Variants in TOMM40 observed in about 807,000 individuals in gnomAD.
The protein encoded by TOMM40 is translocase of outer mitochondrial membrane 40.
TOMM40 carries 9 observed loss-of-function variants against 38.4 expected under a neutral mutation model. The ratio of observed to expected loss-of-function variants is 0.23; its 90% CI spans 0.14 to 0.41. The LOEUF (loss-of-function observed/expected upper bound fraction) is 0.41. Among genes scored for constraint, TOMM40 ranks in the 10% least tolerant of loss-of-function variants. The pLI is 1.00. For synonymous variants in TOMM40, 184 were observed against 210.0 expected (o/e 0.88, Z 1.07); for missense variants, 299 against 486.5 (o/e 0.61, Z 3.63).
rs1256620656 is a variant in TOMM40, at chr19:44,899,667, A to C, written c.644-1063A>C. Among the ~76,000 whole-genome samples the C allele has an allele frequency of 6.7e-5, 10 of 148,224 alleles. No homozygotes were observed. In the Admixed American group the frequency reaches 6.7e-4, roughly 10 times the overall value. On this transcript the variant is annotated intron_variant, in intron 5 of 8. Transcript: ENST00000426677. The stretch of plus-strand genomic sequence containing the variant: ...ATCTGTAGTTAGATGAAGTTTTTAA[A>C]TTTTTTGTAGAGATGGGGTCTCACT...
Position 44,892,472 on chromosome 19 carries a change from T to C in TOMM40, c.342+12T>C. On this transcript the variant is annotated intron_variant, in intron 2 of 8. Transcript: ENST00000426677. ...GTAACCATTTTCAGGTGAGCCTTCC[T>C]GGTGTCCTTACCCACCAGAGATCGT... The C allele has an allele frequency of 6.2e-7, 1 of 1,611,944 alleles. No individual in the cohort carries two copies. Among genetic ancestry groups the C allele is most frequent in the Non-Finnish European group, 8.5e-7 (1 of 1,179,616 alleles).
At chr19:44,896,596 G>A (rs1969569970) in intron 5 of TOMM40, among the ~76,000 whole-genome samples, 1 of 152,224 alleles carries the variant, frequency 6.6e-6, no homozygotes, top group Non-Finnish European at 1.5e-5. Context: ...CAGCCAGGAA[G>A]CAGAGGAGCT....
intron 5 of TOMM40, among the ~76,000 whole-genome samples, chr19:44,898,511 C>CTTTTTTTTTTT (rs34896370): frequency 1.2e-4 from 12 of 98,512 alleles, no homozygotes; most frequent in Non-Finnish European, 1.3e-4. Context: ...TGTGTTGTTT[C>CTTTTTTTTTTT]TTTTTTTTTT....
At chr19:44,895,847 G>A (rs754321680) in intron 5 of TOMM40, among the ~76,000 whole-genome samples, 15 of 152,138 alleles carry the variant, frequency 9.9e-5, no homozygotes, top group African/African-American at 2.2e-4. Flanking sequence ...GCGCCCGGCC[G>A]ACCATGCAAG....
Position 44,903,396 on chromosome 19 carries a change from G to A in TOMM40, c.*227G>A. 1 of 480,590 alleles carries A rather than the reference G, an allele frequency of 2.1e-6. No individual in the cohort carries two copies. Among genetic ancestry groups the A allele is most frequent in the African/African-American group, 2.0e-5 (1 of 49,504 alleles). 29.8% of individuals were successfully genotyped at this position (480,590 alleles called of 1,614,324 possible). On this transcript the variant is annotated 3_prime_UTR_variant, in exon 9 of 9. Transcript: ENST00000426677. The stretch of plus-strand genomic sequence containing the variant: ...CAGGGGCAGCATGCCCAGTGGGCCT[G>A]GGGTCCCGGGAGGGATTCCGGAATT...
rs1365190222 is a variant in TOMM40, at chr19:44,900,791, G to T, written c.705G>T (p.Leu235=). ...CTTGCCTGGCCCTGGGTGGAGAGCT[G>T]GTCTACCACCGGCGGCCTGGAGAGG... ...ITPCLALGGE[L]VYHRRPGEEG... The change falls in exon 6 of 9, where the codon CTG becomes CTT. Residue 235 remains leucine (L), a synonymous_variant. Transcript: ENST00000426677. 3.7e-6 allele frequency: 6 copies of T among 1,613,812 alleles called. No individual in the cohort carries two copies. In the South Asian group the frequency reaches 6.6e-5, roughly 18 times the overall value.
chr19:44,894,361 A>G (rs1431141589), intron 5 of TOMM40, among the ~76,000 whole-genome samples: 1 of 146,738 alleles, frequency 6.8e-6, no homozygotes, highest in Non-Finnish European at 1.5e-5. Context: ...TCCTGGGTTC[A>G]TGCAATTCTC....
chr19:44,893,977 T>C lies in TOMM40; in HGVS notation c.554T>C (p.Phe185Ser). 6.4e-7 allele frequency: 1 copy of C among 1,558,924 alleles called. No individual in the cohort carries two copies. The highest frequency in any genetic ancestry group is 8.7e-7 in the Non-Finnish European group (1 of 1,149,640). Residue 185 changes from phenylalanine (F) to serine (S), a missense_variant, in exon 5 of 9, where the codon TTT becomes TCT. By Grantham distance (155) the Phe-to-Ser change is radical (BLOSUM62 -2). Coordinates refer to ENST00000426677, the MANE Select transcript of TOMM40 (RefSeq NM_001128917.2). ...KMAIQTQQSK[F>S]VNWQVDGEYR... is the part of the protein sequence containing the mutation. Reference sequence around the variant, plus strand: ...TCTCCACAGACCCAGCAGTCGAAGTTTGTGAACTGGCAGGTGGACGGGGAG... The same window carrying C: ...TCTCCACAGACCCAGCAGTCGAAGTCTGTGAACTGGCAGGTGGACGGGGAG...
chr19:44,901,485 G>A (rs776851435), intron 8 of TOMM40, 175 bp downstream of exon 8: 115 of 1,449,260 alleles, frequency 7.9e-5, no homozygotes, highest in Non-Finnish European at 1.0e-4. Flanking sequence ...GCTCACGCCT[G>A]TAATCCCAGC....
Position 44,891,320 on chromosome 19 carries a change from A to T in TOMM40, c.-96A>T. The T allele has an allele frequency of 8.3e-7, 1 of 1,210,636 alleles. No individual in the cohort carries two copies. The highest frequency in any genetic ancestry group is 1.6e-5 in the African/African-American group (1 of 63,574). The allele number at this position is 1,210,636 out of a possible 1,614,324, so 75.0% of individuals were successfully genotyped here. ...GGGAGCAGGCGCCGCCGCCAGTGAG[A>T]ACCGGGGCCGGAGCCGGGTGCGGAT... On this transcript the variant is annotated 5_prime_UTR_variant, in exon 1 of 9. Coordinates refer to ENST00000426677, the MANE Select transcript of TOMM40 (RefSeq NM_001128917.2).
At chr19:44,893,715 C>T (rs972660296) in intron 3 of TOMM40, 65 bp from the exon 4 acceptor site, 17 of 1,376,746 alleles carry the variant, frequency 1.2e-5, no homozygotes, top group African/African-American at 1.0e-4. Flanking sequence ...CTTCTCACCC[C>T]GGCCCATCTC....
rs769088127 is a variant in TOMM40, at chr19:44,901,321, C to T, written c.946+11C>T. 12 of 1,612,332 alleles carry T rather than the reference C, an allele frequency of 7.4e-6. No individual in the cohort carries two copies. The highest frequency in any genetic ancestry group is 6.7e-5 in the Admixed American group (4 of 59,718). On this transcript the variant is annotated intron_variant, in intron 8 of 8. Transcript: ENST00000426677. ...ACCTCCTCTTCAAAGGTAAAGGTCT[C>T]GGTTCCCCTACGCGGGAAACAGGCA... is the stretch of plus-strand genomic sequence containing the variant.
At chr19:44,891,989 G>A (rs1227584200) in intron 1 of TOMM40, among the ~76,000 whole-genome samples, 1 of 152,202 alleles carries the variant, frequency 6.6e-6, no homozygotes, top group Admixed American at 6.5e-5. Context: ...CCAAGGTCAC[G>A]GTGTCAGCAA....
At chr19:44,900,914 G>A in intron 6 of TOMM40, 62 bp downstream of exon 6, 1 of 1,608,544 alleles carries the variant, frequency 6.2e-7, no homozygotes, top group South Asian at 1.1e-5. Context: ...TCCTGGGTCT[G>A]AGGGAGGACG....
At position 44,891,372 on chromosome 19, in the gene TOMM40, G is replaced by T; in HGVS notation, c.-44G>T. On this transcript the variant is annotated 5_prime_UTR_variant, in exon 1 of 9. Transcript: ENST00000426677. The stretch of plus-strand genomic sequence containing the variant: ...TGCTGGGGCTGAGTCGGGGGCGCGC[G>T]GGCCCTGACCTCTGCCCTCTGACCT... The T allele has an allele frequency of 1.6e-6, 2 of 1,235,010 alleles. No individual in the cohort carries two copies. The highest frequency in any genetic ancestry group is 3.7e-5 in the South Asian group (1 of 27,386). 76.5% of individuals were successfully genotyped at this position (1,235,010 alleles called of 1,614,324 possible).
Position 44,900,796 on chromosome 19 carries a change from A to T in TOMM40, c.710A>T (p.Tyr237Phe). ...PCLALGGELVYHRRPGEEGTV... is the reference protein window; with the variant it reads ...PCLALGGELVFHRRPGEEGTV... Reference sequence around the variant, plus strand: ...CTGGCCCTGGGTGGAGAGCTGGTCTACCACCGGCGGCCTGGAGAGGAGGGC... The same window carrying T: ...CTGGCCCTGGGTGGAGAGCTGGTCTTCCACCGGCGGCCTGGAGAGGAGGGC... The change falls in exon 6 of 9, where the codon TAC becomes TTC. Residue 237 changes from tyrosine (Y) to phenylalanine (F), a missense_variant. Coordinates refer to ENST00000426677, the MANE Select transcript of TOMM40 (RefSeq NM_001128917.2). 1 of 1,613,854 alleles carries T rather than the reference A, an allele frequency of 6.2e-7. No homozygotes were observed. The highest frequency in any genetic ancestry group is 8.5e-7 in the Non-Finnish European group (1 of 1,179,992).
chr19:44,899,589 A>G (rs1316741277), intron 5 of TOMM40, among the ~76,000 whole-genome samples: 1 of 150,888 alleles, frequency 6.6e-6, no homozygotes, highest in Non-Finnish European at 1.5e-5. Context: ...TGGGATTACA[A>G]CAAGCATGAG....
intron 5 of TOMM40, among the ~76,000 whole-genome samples, chr19:44,900,317 C>G (rs557250359): frequency 2.6e-5 from 4 of 152,274 alleles, no homozygotes; most frequent in African/African-American, 9.6e-5. Context: ...GCATATTTAC[C>G]CACTCTACCC....
At chr19:44,896,335 C>T (rs1969565409) in intron 5 of TOMM40, among the ~76,000 whole-genome samples, 1 of 152,176 alleles carries the variant, frequency 6.6e-6, no homozygotes, top group African/African-American at 2.4e-5. Flanking sequence ...GGCTCTGTGA[C>T]CTCCGGCAAG....
Sources: allele counts gnomAD v4.1 joint callset (sites outside exome capture counted in the v4.1 genomes callset), GRCh38; gene constraint gnomAD v4.1.1; transcripts MANE v1.5; gene names NCBI Gene and HGNC (gene_info 2026-07-23, HGNC 2026-07-21).